TTC28: variants seen among roughly 807,000 people sequenced by gnomAD.
The protein encoded by TTC28 is tetratricopeptide repeat protein 28.
TTC28 carries 61 observed loss-of-function variants against 198.0 expected under a neutral mutation model. The observed-to-expected ratio is 0.31, with a 90% CI of 0.25 to 0.38. The LOEUF (loss-of-function observed/expected upper bound fraction) is 0.38, where lower values mean the gene tolerates loss of function less well. Ranked by LOEUF, TTC28 falls within the 10% of genes least tolerant of loss-of-function variation. TTC28 has a pLI of 1.00. For missense variants in TTC28, 2,678 were observed against 3,164.0 expected, an observed-to-expected ratio of 0.85 and a Z score of 3.69; for synonymous variants, 1,171 against 1,297.8, an observed-to-expected ratio of 0.90 and a Z score of 2.10.
At chr22:28,394,067 C>A (rs1032447793) in intron 2 of TTC28, among the ~76,000 whole-genome samples, 2 of 152,142 alleles carry the variant, frequency 1.3e-5, no homozygotes, top group Non-Finnish European at 2.9e-5. Context: ...CACATTTATA[C>A]AAGCCAGCAT....
intron 12 of TTC28, among the ~76,000 whole-genome samples, chr22:28,065,662 G>T (rs530038715): frequency 8.1e-4 from 123 of 152,280 alleles, no homozygotes; most frequent in African/African-American, 2.8e-3. Context: ...AGAAAAAGGA[G>T]ATAATTTGTT....
At chr22:28,365,492 T>C in intron 2 of TTC28, among the ~76,000 whole-genome samples, 1 of 152,160 alleles carries the variant, frequency 6.6e-6, no homozygotes, top group South Asian at 2.1e-4. Context: ...AAATTATTTG[T>C]AGCAAAAAAA....
At chr22:28,446,518 G>T (rs1054232851) in intron 2 of TTC28, among the ~76,000 whole-genome samples, 1 of 152,056 alleles carries the variant, frequency 6.6e-6, no homozygotes, top group Non-Finnish European at 1.5e-5. Flanking sequence ...GTCCTCACTC[G>T]GAGTTCACTT....
chr22:28,189,106 G>A (rs957679261), intron 5 of TTC28, among the ~76,000 whole-genome samples: 1 of 152,148 alleles, frequency 6.6e-6, no homozygotes, highest in Non-Finnish European at 1.5e-5. Context: ...CCAGCACTTT[G>A]GGAGGCTGAG....
chr22:28,359,865 G>A (rs188911474), intron 2 of TTC28, among the ~76,000 whole-genome samples: 19 of 152,202 alleles, frequency 1.2e-4, no homozygotes, highest in African/African-American at 4.6e-4. Context: ...GGCAGGGTCA[G>A]GGCACAGAGC....
intron 2 of TTC28, among the ~76,000 whole-genome samples, chr22:28,388,878 G>C (rs2046664102): frequency 1.3e-5 from 2 of 152,152 alleles, no homozygotes; most frequent in African/African-American, 2.4e-5. Flanking sequence ...CCAACACTAT[G>C]TTGACTAGGA....
chr22:28,443,942 A>G (rs1306862473), intron 2 of TTC28, among the ~76,000 whole-genome samples: 20 of 152,354 alleles, frequency 1.3e-4, no homozygotes, highest in Non-Finnish European at 1.2e-4. Flanking sequence ...TTTGAAGAAA[A>G]AAGATTTGAA....
chr22:28,039,575 C>T (rs1185181473), intron 12 of TTC28, among the ~76,000 whole-genome samples: 3 of 152,042 alleles, frequency 2.0e-5, no homozygotes, highest in Non-Finnish European at 4.4e-5. Context: ...ATATAAATGA[C>T]GAGTTAATGG....
intron 1 of TTC28, among the ~76,000 whole-genome samples, chr22:28,633,966 C>T (rs1377119009): frequency 6.6e-6 from 1 of 152,054 alleles, no homozygotes; most frequent in Non-Finnish European, 1.5e-5. Flanking sequence ...TAAACCATTA[C>T]TAAGGCCTCT....
At position 28,603,801 on chromosome 22, in the gene TTC28, G is replaced by GA. The variant is rs576023071; in HGVS notation, c.381+25750dup. 7.4e-4 allele frequency among the ~76,000 whole-genome samples: 111 copies of GA among 150,612 alleles called. 1 individual carries two copies. The Middle Eastern group carries it at 0.02, about 28-fold the overall frequency. On this transcript the variant is annotated intron_variant, in intron 2 of 22. Coordinates refer to ENST00000397906, the MANE Select transcript of TTC28 (RefSeq NM_001145418.2). ...CTGAAATATTAGTAAATCTCTGTAA[G>GA]AAAAAAAAATCACGAAATTTAACCT...
At chr22:28,139,742 T>C (rs1943284775) in intron 6 of TTC28, among the ~76,000 whole-genome samples, 1 of 149,782 alleles carries the variant, frequency 6.7e-6, no homozygotes. Flanking sequence ...GGGACTGGAG[T>C]ATACAATCCC....
intron 2 of TTC28, among the ~76,000 whole-genome samples, chr22:28,314,737 G>A (rs1411892181): frequency 6.6e-6 from 1 of 152,064 alleles, no homozygotes; most frequent in East Asian, 1.9e-4. Context: ...GTCAGATGTA[G>A]TGGCATGTGC....
At chr22:28,519,014 C>A (rs2048846440) in intron 2 of TTC28, among the ~76,000 whole-genome samples, 1 of 152,152 alleles carries the variant, frequency 6.6e-6, no homozygotes, top group Non-Finnish European at 1.5e-5. Context: ...CTCTGAAATC[C>A]TAAGACAGTA....
intron 5 of TTC28, among the ~76,000 whole-genome samples, chr22:28,224,232 G>T (rs1028380732): frequency 1.3e-5 from 2 of 152,176 alleles, no homozygotes; most frequent in African/African-American, 4.8e-5. Context: ...GAGCTTTAAG[G>T]TGCATGTGTC....
Position 28,003,771 on chromosome 22 carries a change from G to A in TTC28, c.4219-2218C>T, listed in dbSNP as rs117934871. On this transcript the variant is annotated intron_variant, in intron 14 of 22. Coordinates refer to ENST00000397906, the MANE Select transcript of TTC28 (RefSeq NM_001145418.2). ...ACTCTGCCCACGAAACCTCATCTGC[G>A]GCACAAGCCTAATGATCAGAGAATG... Among the ~76,000 whole-genome samples, 29 of 152,290 alleles carry A rather than the reference G, an allele frequency of 1.9e-4. No individual in the cohort carries two copies. The East Asian group carries it at 5.2e-3, about 27-fold the overall frequency.
At chr22:28,380,628 T>C (rs545230156) in intron 2 of TTC28, among the ~76,000 whole-genome samples, 113 of 152,270 alleles carry the variant, frequency 7.4e-4, no homozygotes, top group African/African-American at 2.6e-3. Flanking sequence ...AAAAAGCATG[T>C]TTTTTCTTCT....
At chr22:28,367,956 T>C (rs1455911820) in intron 2 of TTC28, among the ~76,000 whole-genome samples, 1 of 152,020 alleles carries the variant, frequency 6.6e-6, no homozygotes, top group Non-Finnish European at 1.5e-5. Context: ...CGAGACTCGA[T>C]GGCTTCACTG....
At chr22:28,346,627 T>A (rs1330676903) in intron 2 of TTC28, among the ~76,000 whole-genome samples, 2 of 152,190 alleles carry the variant, frequency 1.3e-5, no homozygotes, top group Non-Finnish European at 2.9e-5. Flanking sequence ...TGGACATAAC[T>A]TTCTTGCATA....
intron 5 of TTC28, among the ~76,000 whole-genome samples, chr22:28,262,951 G>A (rs979594229): frequency 5.3e-5 from 8 of 152,092 alleles, no homozygotes; most frequent in African/African-American, 1.7e-4. Flanking sequence ...CCCAACAAAC[G>A]GGTGAGAGGC....
Sources: allele counts gnomAD v4.1 joint callset (sites outside exome capture counted in the v4.1 genomes callset), GRCh38; gene constraint gnomAD v4.1.1; transcripts MANE v1.5; gene names NCBI Gene and HGNC (gene_info 2026-07-23, HGNC 2026-07-21).